The following SLC60A1 variants were observed in gnomAD, a reference collection of about 807,000 sequenced individuals.
The protein encoded by SLC60A1 is major facilitator superfamily domain containing 4.
the SLC60A1 span, among the ~76,000 whole-genome samples, chr1:205,573,617 A>G: frequency 1.3e-5 from 2 of 152,190 alleles, no homozygotes; most frequent in African/African-American, 4.8e-5. Context: ...AGATACAGAA[A>G]CTAAATTAGT....
At chr1:205,600,097 G>GCA in the SLC60A1 span, 1 of 282,634 alleles carries the variant, frequency 3.5e-6, no homozygotes, top group Non-Finnish European at 6.7e-6. Context: ...AGTACTGGTT[G>GCA]CACACACACA....
the SLC60A1 span, among the ~76,000 whole-genome samples, chr1:205,574,033 T>C: frequency 2.6e-5 from 4 of 152,166 alleles, no homozygotes; most frequent in Admixed American, 1.3e-4. Context: ...ACAGAAATGC[T>C]CTAAAGGTAG....
the SLC60A1 span, among the ~76,000 whole-genome samples, chr1:205,573,254 A>G: frequency 1.3e-5 from 2 of 151,892 alleles, no homozygotes; most frequent in Admixed American, 1.3e-4. Context: ...CTACTAAAAA[A>G]AAAACAAAAA....
chr1:205,594,520 G>T, the SLC60A1 span, among the ~76,000 whole-genome samples: 1 of 152,084 alleles, frequency 6.6e-6, no homozygotes, highest in African/African-American at 2.4e-5. Flanking sequence ...GCTAGGCGTG[G>T]TGGCAGGCAC....
the SLC60A1 span, chr1:205,586,082 T>C: frequency 6.2e-7 from 1 of 1,613,222 alleles, no homozygotes; most frequent in Non-Finnish European, 8.5e-7. Flanking sequence ...GAAGCCCCTG[T>C]CTGTGGGACA....
At chr1:205,569,860 T>A in the SLC60A1 span, among the ~76,000 whole-genome samples, 1 of 151,948 alleles carries the variant, frequency 6.6e-6, no homozygotes, top group Admixed American at 6.5e-5. Flanking sequence ...GGCTGTCCCT[T>A]CCCCCGGGTA....
the SLC60A1 span, chr1:205,586,199 A>C: frequency 1.2e-6 from 2 of 1,613,258 alleles, no homozygotes; most frequent in East Asian, 2.2e-5. Flanking sequence ...CATGGTTTTC[A>C]TCAACGTGGT....
chr1:205,597,883 T>C, the SLC60A1 span: 1 of 1,603,288 alleles, frequency 6.2e-7, no homozygotes, highest in East Asian at 2.2e-5. Context: ...GAGGGGAGCA[T>C]TTGGGGAGCA....
the SLC60A1 span, chr1:205,583,960 A>G: frequency 6.2e-7 from 1 of 1,612,844 alleles, no homozygotes. Flanking sequence ...CCCAGCTTCC[A>G]GTGCCCATGG....
the SLC60A1 span, chr1:205,583,894 C>T: frequency 5.7e-5 from 90 of 1,567,014 alleles, no homozygotes; most frequent in Non-Finnish European, 7.5e-5. Flanking sequence ...TGTGCAGAGG[C>T]CAGGCGTGGG....
the SLC60A1 span, chr1:205,586,323 C>G: frequency 1.6e-6 from 2 of 1,277,438 alleles, no homozygotes; most frequent in African/African-American, 3.0e-5. Context: ...GATGGGAACT[C>G]AGGAGTAGAG....
At chr1:205,574,838 C>T in the SLC60A1 span, among the ~76,000 whole-genome samples, 2 of 152,164 alleles carry the variant, frequency 1.3e-5, no homozygotes, top group African/African-American at 4.8e-5. Context: ...ATGGTGGGCC[C>T]CAGGGGATGC....
chr1:205,569,177 G>T, the SLC60A1 span: 4 of 1,543,700 alleles, frequency 2.6e-6, no homozygotes, highest in East Asian at 7.5e-5. Context: ...CCTTCCTGGG[G>T]CCCACGCTGC....
At chr1:205,588,061 A>G in the SLC60A1 span, among the ~76,000 whole-genome samples, 1 of 152,198 alleles carries the variant, frequency 6.6e-6, no homozygotes, top group Admixed American at 6.5e-5. Context: ...ATAGCAATCT[A>G]TAAATTAAAC....
the SLC60A1 span, chr1:205,584,218 A>ATTTT: frequency 3.0e-3 from 2,393 of 792,736 alleles, 27 homozygotes; most frequent in African/African-American, 0.019. Context: ...ATCACAGGTG[A>ATTTT]TTTTTTTTTT....
chr1:205,577,032 G>A, the SLC60A1 span, among the ~76,000 whole-genome samples: 4 of 152,090 alleles, frequency 2.6e-5, no homozygotes, highest in Non-Finnish European at 5.9e-5. This position sits in a 1 kb window ranked among gnomAD's most constrained non-coding sequence, Gnocchi z 5.2. Context: ...CATACCTCCA[G>A]TGGGCACCTA....
the SLC60A1 span, chr1:205,580,929 T>C: frequency 1.9e-6 from 3 of 1,611,718 alleles, no homozygotes; most frequent in Non-Finnish European, 2.5e-6. The surrounding 1 kb of genome is among the most constrained non-coding windows in gnomAD (Gnocchi z 5.0). Flanking sequence ...AATGTGAGTG[T>C]CCCTGGGGTG....
the SLC60A1 span, among the ~76,000 whole-genome samples, chr1:205,573,988 C>T: frequency 2.0e-5 from 3 of 151,906 alleles, no homozygotes; most frequent in South Asian, 2.1e-4. Context: ...TGAGCCACTG[C>T]GCCTGGCCTG....
At chr1:205,586,752 A>G in the SLC60A1 span, among the ~76,000 whole-genome samples, 1 of 151,050 alleles carries the variant, frequency 6.6e-6, no homozygotes, top group Non-Finnish European at 1.5e-5. Flanking sequence ...GATGGAGCAC[A>G]GTGGTGTGAT....
Sources: gnomAD v4.1 joint callset for allele counts (sites outside exome capture counted in the v4.1 genomes callset) on GRCh38, gnomAD v4.1.1 for gene constraint, Gnocchi (gnomAD v3.1) non-coding constraint, MANE v1.5 for transcripts, NCBI Gene and HGNC (gene_info 2026-07-23, HGNC 2026-07-21) for gene names.